DOCK3: variants seen among roughly 807,000 people sequenced by gnomAD.
DOCK3 encodes the protein dedicator of cytokinesis protein 3.
A neutral mutation model predicts 265.6 loss-of-function variants in DOCK3; 60 were observed. That is an observed-to-expected ratio of 0.23 (90% CI 0.18 to 0.28). The LOEUF (loss-of-function observed/expected upper bound fraction) is 0.28, where lower values mean the gene tolerates loss of function less well. Among genes scored for constraint, DOCK3 ranks in the 10% least tolerant of loss-of-function variants. DOCK3 has a pLI of 1.00. For synonymous variants in DOCK3, 881 were observed against 938.0 expected, an observed-to-expected ratio of 0.94 and a Z score of 1.11; for missense variants, 1,981 against 2,594.3, an observed-to-expected ratio of 0.76 and a Z score of 5.14.
At chr3:50,764,895 A>G (rs1298788950) in intron 1 of DOCK3, among the ~76,000 whole-genome samples, 2 of 151,988 alleles carry the variant, frequency 1.3e-5, no homozygotes, top group African/African-American at 2.4e-5. Context: ...TATAGTTAAC[A>G]ATGAGTAATG....
Position 51,228,036 on chromosome 3 carries a change from G to T in DOCK3, c.1595G>T (p.Arg532Leu). The T allele has an allele frequency of 1.2e-6, 2 of 1,614,024 alleles. No homozygotes were observed. The highest frequency in any genetic ancestry group is 1.7e-6 in the Non-Finnish European group (2 of 1,179,894). The change falls in exon 17 of 53, where the codon CGT (arginine) becomes CTT (leucine). Residue 532 changes from arginine to leucine, a missense_variant. By Grantham distance (102) the Arg-to-Leu change is moderately radical. Coordinates refer to ENST00000266037, the MANE Select transcript of DOCK3 (RefSeq NM_004947.5). Reference sequence around the variant, plus strand: ...GGCTTTGCATTCTCAACCCTGATGCGTGATGATGGCACCACCCTCTCAGAT... The same window carrying T: ...GGCTTTGCATTCTCAACCCTGATGCTTGATGATGGCACCACCCTCTCAGAT... ...LFGFAFSTLMRDDGTTLSDDI... is the reference protein window; with the variant it reads ...LFGFAFSTLMLDDGTTLSDDI...
At chr3:50,771,711 T>C (rs1193169803) in intron 1 of DOCK3, among the ~76,000 whole-genome samples, 1 of 151,590 alleles carries the variant, frequency 6.6e-6, no homozygotes, top group Non-Finnish European at 1.5e-5. Flanking sequence ...ATTAGCTGGG[T>C]GTGGTGGCGG....
chr3:50,697,505 C>CA (rs948560903), intron 1 of DOCK3, among the ~76,000 whole-genome samples: 14 of 152,074 alleles, frequency 9.2e-5, no homozygotes, highest in Admixed American at 2.6e-4. Context: ...GCAGGAGAAT[C>CA]ACCTAAGCCC....
intron 2 of DOCK3, among the ~76,000 whole-genome samples, chr3:50,793,358 C>CTTTTTTTTTT (rs568370017): frequency 7.6e-6 from 1 of 130,800 alleles, no homozygotes; most frequent in Non-Finnish European, 1.6e-5. Context: ...TTTTCTTTTT[C>CTTTTTTTTTT]TTTTTTTTTT....
chr3:51,362,064 T>C (rs2086778738), intron 48 of DOCK3, 67 bp downstream of exon 48: 3 of 1,517,450 alleles, frequency 2.0e-6, no homozygotes, highest in Middle Eastern at 1.8e-4. Context: ...GCTGTTGCAA[T>C]GTCTAGTCTG....
chr3:50,940,000 C>A (rs1467379275), intron 5 of DOCK3, among the ~76,000 whole-genome samples: 3 of 151,896 alleles, frequency 2.0e-5, no homozygotes, highest in Non-Finnish European at 4.4e-5. Flanking sequence ...TGAAAAGAAA[C>A]CTTTTAGAAT....
At chr3:50,761,754 C>T (rs1295314317) in intron 1 of DOCK3, among the ~76,000 whole-genome samples, 4 of 152,206 alleles carry the variant, frequency 2.6e-5, no homozygotes, top group African/African-American at 9.7e-5. Flanking sequence ...CATCCCATTA[C>T]TGGGTATATA....
intron 4 of DOCK3, among the ~76,000 whole-genome samples, chr3:50,895,458 C>A (rs532602899): frequency 1.5e-3 from 232 of 151,868 alleles, no homozygotes; most frequent in African/African-American, 5.5e-3. Flanking sequence ...CATAGGCCGT[C>A]ATAAACTGTG....
rs370203619 is a variant in DOCK3, at chr3:50,783,461, A to G, written c.121+4703A>G. 2.6e-5 allele frequency among the ~76,000 whole-genome samples: 4 copies of G among 151,812 alleles called. No homozygotes were observed. The South Asian group carries it at 6.2e-4, about 24-fold the overall frequency. ...GCATTTTTTCATGTGTTCATTGGCC[A>G]TTTGTCTATCTCCTTGAGAAGATTC... is the stretch of plus-strand genomic sequence containing the variant. On this transcript the variant is annotated intron_variant, in intron 2 of 52. Transcript: ENST00000266037.
At chr3:50,777,560 C>T (rs2041675302) in intron 1 of DOCK3, among the ~76,000 whole-genome samples, 1 of 152,048 alleles carries the variant, frequency 6.6e-6, no homozygotes, top group Admixed American at 6.6e-5. Context: ...CATATGTTTC[C>T]ATTTGTTTGT....
chr3:50,897,054 G>C (rs1167470802), intron 4 of DOCK3, among the ~76,000 whole-genome samples: 2 of 152,122 alleles, frequency 1.3e-5, no homozygotes, highest in African/African-American at 4.8e-5. Flanking sequence ...GGATGACACT[G>C]ACTCTATAAA....
intron 5 of DOCK3, among the ~76,000 whole-genome samples, chr3:51,014,063 A>G (rs1245670079): frequency 6.6e-6 from 1 of 152,162 alleles, no homozygotes; most frequent in African/African-American, 2.4e-5. Context: ...TTCCCGGTAC[A>G]GTCTGTCAAG....
At chr3:50,820,282 A>G (rs1323178095) in intron 2 of DOCK3, among the ~76,000 whole-genome samples, 3 of 152,208 alleles carry the variant, frequency 2.0e-5, no homozygotes, top group African/African-American at 7.2e-5. Flanking sequence ...CCTCCCAGCT[A>G]AACCCCAATT....
chr3:50,858,495 G>T (rs77027002), intron 3 of DOCK3, among the ~76,000 whole-genome samples: 1 of 151,744 alleles, frequency 6.6e-6, no homozygotes, highest in East Asian at 1.9e-4. Context: ...CTTCTGGCTT[G>T]TAGGGTTTCA....
intron 32 of DOCK3, among the ~76,000 whole-genome samples, chr3:51,325,180 G>A (rs957963031): frequency 6.6e-6 from 1 of 151,750 alleles, no homozygotes; most frequent in Non-Finnish European, 1.5e-5. Context: ...CTGACAAAGG[G>A]CTAACATCCA....
chr3:50,929,742 T>C (rs1351401102), intron 4 of DOCK3, among the ~76,000 whole-genome samples: 1 of 152,176 alleles, frequency 6.6e-6, no homozygotes, highest in Non-Finnish European at 1.5e-5. Flanking sequence ...GCTGAGGAAA[T>C]ATGTCAAAAT....
Position 51,064,552 on chromosome 3 carries a change from G to A in DOCK3, c.420G>A (p.Arg140=). 6.2e-7 allele frequency: 1 copy of A among 1,613,946 alleles called. No individual in the cohort carries two copies. Among genetic ancestry groups the A allele is most frequent in the Non-Finnish European group, 8.5e-7 (1 of 1,179,848 alleles). ...GTCACCTGACTCAGGATCAGGTGCG[G>A]GAGGTTAAGCGGCACATCACCGTGC... is the stretch of plus-strand genomic sequence containing the variant. ...LSGHLTQDQV[R]EVKRHITVRL... is the part of the protein sequence containing the mutation. Residue 140 remains arginine (R), a synonymous_variant, in exon 6 of 53, where the codon CGG becomes CGA. Transcript: ENST00000266037.
chr3:51,311,852 G>A (rs1364118777), intron 28 of DOCK3, among the ~76,000 whole-genome samples, 152 bp from the exon 29 acceptor site: 1 of 152,210 alleles, frequency 6.6e-6, no homozygotes, highest in Non-Finnish European at 1.5e-5. Flanking sequence ...TATAGAGTTT[G>A]TACCATTTTC....
intron 1 of DOCK3, among the ~76,000 whole-genome samples, chr3:50,724,158 C>G (rs1451529477): frequency 6.6e-6 from 1 of 151,508 alleles, no homozygotes; most frequent in Non-Finnish European, 1.5e-5. Context: ...CCATCTCATG[C>G]CAGTTAGAAT....
Sources: allele counts gnomAD v4.1 joint callset (sites outside exome capture counted in the v4.1 genomes callset), GRCh38; gene constraint gnomAD v4.1.1; transcripts MANE v1.5; gene names NCBI Gene and HGNC (gene_info 2026-07-23, HGNC 2026-07-21).